Variants in HIBADH observed in about 807,000 individuals in gnomAD.
HIBADH encodes 3-hydroxyisobutyrate dehydrogenase.
In HIBADH, 25 loss-of-function variants were observed where a neutral mutation model predicts 36.1. The ratio of observed to expected loss-of-function variants is 0.69; its 90% CI spans 0.50 to 0.97. The LOEUF (loss-of-function observed/expected upper bound fraction) is 0.97. Among genes scored for constraint, HIBADH ranks in the 50% least tolerant of loss-of-function variants. HIBADH has a pLI of 0.00. For synonymous variants in HIBADH, 160 were observed against 149.5 expected (o/e 1.07, Z -0.51); for missense variants, 421 against 418.0 (o/e 1.01, Z -0.06).
chr7:27,611,162 T>A (rs2128291837), intron 4 of HIBADH, among the ~76,000 whole-genome samples: 1 of 152,310 alleles, frequency 6.6e-6, no homozygotes, highest in South Asian at 2.1e-4. Flanking sequence ...ATTTTGACAT[T>A]AATTCCTACC....
chr7:27,545,096 C>T (rs928890794), intron 4 of HIBADH, among the ~76,000 whole-genome samples: 1 of 152,156 alleles, frequency 6.6e-6, no homozygotes, highest in Non-Finnish European at 1.5e-5. Flanking sequence ...CTTATCTTCT[C>T]ATACATATTC....
At chr7:27,548,654 T>G (rs1784271460) in intron 4 of HIBADH, among the ~76,000 whole-genome samples, 1 of 152,136 alleles carries the variant, frequency 6.6e-6, no homozygotes, top group African/African-American at 2.4e-5. Flanking sequence ...CTACTTGAAA[T>G]ATGACCATCA....
intron 2 of HIBADH, among the ~76,000 whole-genome samples, chr7:27,646,689 A>ATTTTT (rs34491908): frequency 1.2e-4 from 9 of 74,846 alleles, no homozygotes; most frequent in Non-Finnish European, 1.6e-4. Context: ...CACGCCCAGC[A>ATTTTT]TTTTTTTTTT....
At chr7:27,541,899 C>T (rs957409698) in intron 5 of HIBADH, 37 of 288,984 alleles carry the variant, frequency 1.3e-4, no homozygotes, top group African/African-American at 8.3e-4. Flanking sequence ...CACTTGAGTT[C>T]ACTGCAATAG....
intron 4 of HIBADH, among the ~76,000 whole-genome samples, chr7:27,556,206 TTC>T (rs1037296140): frequency 2.0e-5 from 3 of 152,202 alleles, no homozygotes; most frequent in African/African-American, 7.2e-5. Flanking sequence ...ACGATAGTCA[TTC>T]TGTGTCCTCT....
At chr7:27,555,031 G>A (rs1212815348) in intron 4 of HIBADH, among the ~76,000 whole-genome samples, 1 of 152,070 alleles carries the variant, frequency 6.6e-6, no homozygotes, top group Non-Finnish European at 1.5e-5. Flanking sequence ...AGATTTGCGT[G>A]AGGACAAAGG....
chr7:27,660,382 G>T (rs979768744), intron 1 of HIBADH, among the ~76,000 whole-genome samples: 8 of 152,194 alleles, frequency 5.3e-5, no homozygotes, highest in African/African-American at 1.9e-4. Flanking sequence ...TCCAAAGAAA[G>T]GCCGGGCACA....
rs556544925 is a variant in HIBADH at position 27,626,285 on chromosome 7, T to C, written c.484+3086A>G. 1.5e-4 allele frequency among the ~76,000 whole-genome samples: 23 copies of C among 152,032 alleles called. No homozygotes were observed. The South Asian group carries it at 4.8e-3, about 32-fold the overall frequency. On this transcript the variant is annotated intron_variant, in intron 4 of 7. Transcript: ENST00000265395. ...ATTAAAATTAAAACAAAAAGAAGCA[T>C]CAAATAGGCTGAGGCATGCCAAAGT...
At chr7:27,602,761 A>G (rs1473256945) in intron 4 of HIBADH, among the ~76,000 whole-genome samples, 1 of 152,180 alleles carries the variant, frequency 6.6e-6, no homozygotes, top group African/African-American at 2.4e-5. Flanking sequence ...ATTATTTCAC[A>G]TCATTTTAAG....
chr7:27,607,225 G>A (rs191654805), intron 4 of HIBADH, among the ~76,000 whole-genome samples: 3 of 148,452 alleles, frequency 2.0e-5, no homozygotes, highest in African/African-American at 7.5e-5. Flanking sequence ...AAAAGTCTGC[G>A]GCTGGGCGCC....
intron 6 of HIBADH, among the ~76,000 whole-genome samples, chr7:27,534,279 G>A (rs539352743): frequency 2.0e-5 from 3 of 152,176 alleles, no homozygotes; most frequent in African/African-American, 7.2e-5. Context: ...ACGTAAGAAC[G>A]AAATAAATTA....
intron 4 of HIBADH, among the ~76,000 whole-genome samples, chr7:27,624,119 G>A (rs1785596705): frequency 6.6e-6 from 1 of 151,976 alleles, no homozygotes; most frequent in Admixed American, 6.6e-5. Flanking sequence ...TTGTTAAAAT[G>A]ACCATATTGC....
intron 2 of HIBADH, among the ~76,000 whole-genome samples, chr7:27,633,483 C>T (rs1785784460): frequency 6.6e-6 from 1 of 152,070 alleles, no homozygotes; most frequent in Non-Finnish European, 1.5e-5. Context: ...CACGGTGAGA[C>T]TCCATCTCTA....
chr7:27,569,969 T>C (rs1583574570), intron 4 of HIBADH, among the ~76,000 whole-genome samples: 1 of 152,140 alleles, frequency 6.6e-6, no homozygotes, highest in Non-Finnish European at 1.5e-5. Flanking sequence ...CTCTGTCTCA[T>C]AGAGCCTCTC....
rs745847033 is a variant in HIBADH, at chr7:27,526,330, G to T, written c.895C>A (p.Pro299Thr). ...TGGGCCAGACTGCCAAGAAGGATTG[G>T]GCTCTTTGTGCTGGTAGCAGAGTCT... is the stretch of plus-strand genomic sequence containing the variant. ...AQDSATSTKS[P>T]ILLGSLAHQI... is the part of the protein sequence containing the mutation. Residue 299 changes from proline to threonine, a missense_variant, in exon 8 of 8, where the codon CCA becomes ACA. Coordinates refer to ENST00000265395, the MANE Select transcript of HIBADH (RefSeq NM_152740.4). 4.3e-6 allele frequency: 7 copies of T among 1,613,050 alleles called. No homozygotes were observed. The highest frequency in any genetic ancestry group is 5.9e-6 in the Non-Finnish European group (7 of 1,179,666).
intron 4 of HIBADH, among the ~76,000 whole-genome samples, chr7:27,599,570 T>C (rs1230245172): frequency 2.7e-5 from 4 of 147,950 alleles, no homozygotes; most frequent in African/African-American, 2.5e-5. Context: ...TAGTCCCAGC[T>C]ACTGGGGAGG....
intron 4 of HIBADH, among the ~76,000 whole-genome samples, chr7:27,550,370 T>C (rs1221499922): frequency 6.6e-6 from 1 of 152,200 alleles, no homozygotes; most frequent in Admixed American, 6.5e-5. Flanking sequence ...TTTTCTCTTC[T>C]CTCCTTAAAT....
chr7:27,657,445 G>T (rs563062954), intron 1 of HIBADH, among the ~76,000 whole-genome samples: 11 of 152,218 alleles, frequency 7.2e-5, no homozygotes, highest in African/African-American at 2.7e-4. Flanking sequence ...AATCACAGAG[G>T]AGGTTAAATC....
intron 2 of HIBADH, among the ~76,000 whole-genome samples, chr7:27,635,067 T>C (rs78682869): frequency 7.1e-6 from 1 of 140,802 alleles, no homozygotes; most frequent in Non-Finnish European, 1.5e-5. Flanking sequence ...ACTCTCTCTC[T>C]TTCTCTCTCT....
Sources: gnomAD v4.1 joint callset for allele counts (sites outside exome capture counted in the v4.1 genomes callset) on GRCh38, gnomAD v4.1.1 for gene constraint, MANE v1.5 for transcripts, NCBI Gene and HGNC (gene_info 2026-07-23, HGNC 2026-07-21) for gene names.